CUX1: variants seen among roughly 807,000 people sequenced by gnomAD.
CUX1 encodes the protein protein CASP.
In CUX1, 31 loss-of-function variants were observed where a neutral mutation model predicts 158.8. That is an observed-to-expected ratio of 0.20 (90% CI 0.15 to 0.26). The LOEUF is 0.26. Among genes scored for constraint, CUX1 ranks in the 10% least tolerant of loss-of-function variants. The pLI is 1.00. For missense variants in CUX1, 1,589 were observed against 2,014.6 expected, an observed-to-expected ratio of 0.79 and a Z score of 4.04; for synonymous variants, 879 against 862.1, an observed-to-expected ratio of 1.02 and a Z score of -0.34.
chr7:102,145,205 CT>C (rs1161990932), intron 8 of CUX1, among the ~76,000 whole-genome samples: 7 of 150,348 alleles, frequency 4.7e-5, no homozygotes, highest in Non-Finnish European at 1.0e-4. Flanking sequence ...GTCACTTTTT[CT>C]TTTCCTTGCA....
chr7:102,102,371 C>A (rs1431247673), intron 5 of CUX1, among the ~76,000 whole-genome samples: 1 of 129,872 alleles, frequency 7.7e-6, no homozygotes, highest in Non-Finnish European at 1.5e-5. Flanking sequence ...TTACAGTGAG[C>A]CAAGACTGCA....
downstream of CUX1, among the ~76,000 whole-genome samples, chr7:102,262,264 C>T (rs769769777): frequency 1.3e-4 from 20 of 152,124 alleles, no homozygotes; most frequent in Non-Finnish European, 2.4e-4. Context: ...ATTAGCCAGG[C>T]GTGGTGGCAG....
At chr7:102,120,812 C>G (rs1363885742) in intron 8 of CUX1, among the ~76,000 whole-genome samples, 9 of 151,920 alleles carry the variant, frequency 5.9e-5, no homozygotes, top group African/African-American at 2.2e-4. Flanking sequence ...GCCTATCATC[C>G]CAGCACTCTG....
chr7:102,183,546 A>G (rs1793339828), intron 11 of CUX1, among the ~76,000 whole-genome samples: 1 of 152,182 alleles, frequency 6.6e-6, no homozygotes, highest in Non-Finnish European at 1.5e-5. Flanking sequence ...CTGAGGAACC[A>G]TGGAGACACA....
chr7:101,915,751 G>A (rs1804118802), intron 1 of CUX1, among the ~76,000 whole-genome samples: 1 of 152,214 alleles, frequency 6.6e-6, no homozygotes, highest in African/African-American at 2.4e-5. Flanking sequence ...GAGGCGTGGA[G>A]CAACTTGGGG....
intron 11 of CUX1, among the ~76,000 whole-genome samples, chr7:102,186,282 G>A (rs1281456076): frequency 6.6e-5 from 10 of 152,106 alleles, no homozygotes; most frequent in African/African-American, 2.4e-4. Flanking sequence ...CAGGCGCTCC[G>A]GCAGTTGGGA....
chr7:102,262,346 C>T (rs537863662), downstream of CUX1, among the ~76,000 whole-genome samples: 1 of 151,424 alleles, frequency 6.6e-6, no homozygotes, highest in South Asian at 2.1e-4. Flanking sequence ...TGTAGTGAGC[C>T]GTGATACCTC....
chr7:101,890,881 TG>T (rs1330896165), intron 1 of CUX1, among the ~76,000 whole-genome samples: 1 of 152,168 alleles, frequency 6.6e-6, no homozygotes, highest in East Asian at 1.9e-4. Context: ...TTCTGAAGTG[TG>T]GCCTGACATT....
chr7:102,093,114 A>G (rs1391872433), intron 4 of CUX1, among the ~76,000 whole-genome samples: 1 of 148,388 alleles, frequency 6.7e-6, no homozygotes. Flanking sequence ...TTAAATTAGT[A>G]CTGAAAGAGA....
chr7:102,275,898 A>T (rs1791572379), intron 17 of CUX1, among the ~76,000 whole-genome samples: 1 of 151,912 alleles, frequency 6.6e-6, no homozygotes, highest in Admixed American at 6.6e-5. Context: ...AGTCCCAGCT[A>T]CTTGGGAGGC....
intron 2 of CUX1, among the ~76,000 whole-genome samples, chr7:101,943,964 TA>T (rs5886208): frequency 0.82 from 113,199 of 138,296 alleles, 46,019 homozygotes; most frequent in African/African-American, 0.85. Flanking sequence ...ATTTAAAAAT[TA>T]AAAAAAAAAA....
At chr7:102,230,451 C>T (rs957648902) in intron 21 of CUX1, among the ~76,000 whole-genome samples, 1 of 148,944 alleles carries the variant, frequency 6.7e-6, no homozygotes, top group African/African-American at 2.5e-5. Context: ...CATCACTGCA[C>T]TCCAGCCTGG....
intron 3 of CUX1, among the ~76,000 whole-genome samples, chr7:102,060,588 TATATACACACACACAAATAAACACAC>T (rs1824707508): frequency 1.0e-5 from 1 of 99,330 alleles, no homozygotes; most frequent in Non-Finnish European, 2.2e-5. Flanking sequence ...TACATATATA[TATATACACACACACAAATAAACACAC>T]ACACACACAC....
chr7:102,236,311 G>A (rs1349261054), intron 22 of CUX1, among the ~76,000 whole-genome samples: 5 of 152,220 alleles, frequency 3.3e-5, no homozygotes, highest in African/African-American at 1.2e-4. Context: ...GCGAGCTCTG[G>A]CCTGCCCTTG....
intron 5 of CUX1, among the ~76,000 whole-genome samples, chr7:102,100,924 G>C (rs1829702917): frequency 6.6e-6 from 1 of 152,224 alleles, no homozygotes. Context: ...GGCTGTATGA[G>C]CACGATGCCA....
intron 1 of CUX1, among the ~76,000 whole-genome samples, chr7:101,862,128 C>A (rs1215286739): frequency 6.6e-6 from 1 of 152,190 alleles, no homozygotes; most frequent in East Asian, 1.9e-4. Flanking sequence ...AGCCACTGTG[C>A]CCGGCCACCC....
intron 7 of CUX1, chr7:102,112,033 C>G (rs1300242295): frequency 2.6e-6 from 1 of 379,772 alleles, no homozygotes; most frequent in African/African-American, 2.1e-5. Context: ...TCCTTGCTTC[C>G]TGCTCTTTTT....
intron 8 of CUX1, among the ~76,000 whole-genome samples, chr7:102,141,247 T>G (rs1355168500): frequency 6.6e-6 from 1 of 152,124 alleles, no homozygotes; most frequent in African/African-American, 2.4e-5. Flanking sequence ...ATGCTGTCTT[T>G]CCTATGAACG....
intron 11 of CUX1, among the ~76,000 whole-genome samples, 196 bp downstream of exon 11, chr7:102,178,853 G>T (rs765746230): frequency 6.6e-6 from 1 of 152,130 alleles, no homozygotes; most frequent in African/African-American, 2.4e-5. Context: ...ATCAGCCCTT[G>T]TGTAAACAGC....
Sources: allele counts gnomAD v4.1 joint callset (sites outside exome capture counted in the v4.1 genomes callset), GRCh38; gene constraint gnomAD v4.1.1; transcripts MANE v1.5; gene names NCBI Gene and HGNC (gene_info 2026-07-23, HGNC 2026-07-21).